NPFFR2: variants seen among roughly 807,000 people sequenced by gnomAD.
NPFFR2 encodes G-protein coupled receptor 74.
Under a neutral mutation model 13.1 loss-of-function variants are expected in NPFFR2, and 15 were observed. That is an observed-to-expected ratio of 1.15 (90% CI 0.77 to 1.76). NPFFR2 has a LOEUF of 1.76. NPFFR2 is among the 40% of genes most tolerant of loss of function. NPFFR2 has a pLI of 0.00. For synonymous variants in NPFFR2, 190 were observed against 175.7 expected (o/e 1.08, Z -0.65); for missense variants, 572 against 503.5 (o/e 1.14, Z -1.30).
chr4:72,045,780 A>G (rs1262536557), intron 1 of NPFFR2, among the ~76,000 whole-genome samples: 1 of 152,092 alleles, frequency 6.6e-6, no homozygotes, highest in East Asian at 1.9e-4. Flanking sequence ...GGGTACTCAA[A>G]GTATGGTTTC....
intron 1 of NPFFR2, among the ~76,000 whole-genome samples, chr4:72,096,688 A>G (rs1721083232): frequency 1.3e-5 from 2 of 152,128 alleles, no homozygotes; most frequent in Admixed American, 1.3e-4. Context: ...GTGACAACTA[A>G]TTAACATCTT....
chr4:72,112,106 A>C (rs1721581837), intron 1 of NPFFR2, among the ~76,000 whole-genome samples: 1 of 152,010 alleles, frequency 6.6e-6, no homozygotes, highest in South Asian at 2.1e-4. Context: ...AACCTTTTTC[A>C]GACTCAATGA....
At chr4:72,118,558 C>T (rs1217787419) in intron 1 of NPFFR2, among the ~76,000 whole-genome samples, 4 of 151,930 alleles carry the variant, frequency 2.6e-5, no homozygotes, top group African/African-American at 9.7e-5. Flanking sequence ...GACTCCAGAG[C>T]CTGTTTTTAA....
At chr4:72,096,010 C>G (rs1346553636) in intron 1 of NPFFR2, among the ~76,000 whole-genome samples, 4 of 152,126 alleles carry the variant, frequency 2.6e-5, no homozygotes, top group Non-Finnish European at 4.4e-5. Flanking sequence ...TTGTTTGTTT[C>G]AGGTGAGAGA....
intron 1 of NPFFR2, among the ~76,000 whole-genome samples, chr4:72,078,800 A>G (rs1167606492): frequency 2.0e-5 from 3 of 152,156 alleles, no homozygotes; most frequent in Non-Finnish European, 4.4e-5. Context: ...AAAGCAATTC[A>G]GTGGAATTAT....
intron 1 of NPFFR2, among the ~76,000 whole-genome samples, chr4:72,035,850 T>G (rs958782919): frequency 6.6e-6 from 1 of 152,212 alleles, no homozygotes; most frequent in Non-Finnish European, 1.5e-5. Context: ...GAGTCTCATT[T>G]AGGTGTCTGC....
intron 3 of NPFFR2, among the ~76,000 whole-genome samples, chr4:72,143,308 G>C (rs918339456): frequency 1.3e-5 from 2 of 152,160 alleles, no homozygotes; most frequent in Non-Finnish European, 2.9e-5. Flanking sequence ...GAAAGCCAGT[G>C]ATATTATTCA....
At chr4:72,114,851 ACTAT>A (rs1463035970) in intron 1 of NPFFR2, among the ~76,000 whole-genome samples, 1 of 152,134 alleles carries the variant, frequency 6.6e-6, no homozygotes, top group African/African-American at 2.4e-5. Flanking sequence ...CTGAAGTCAG[ACTAT>A]CTGACTTTAA....
chr4:72,103,447 T>G (rs1465445716), intron 1 of NPFFR2, among the ~76,000 whole-genome samples: 1 of 152,154 alleles, frequency 6.6e-6, no homozygotes, highest in African/African-American at 2.4e-5. Flanking sequence ...AATGCCTTGA[T>G]CTTGGACTTT....
chr4:72,101,072 A>G (rs1378849185), intron 1 of NPFFR2, among the ~76,000 whole-genome samples: 3 of 151,960 alleles, frequency 2.0e-5, no homozygotes, highest in Non-Finnish European at 4.4e-5. Flanking sequence ...AAGAAAAAAT[A>G]AAAATCTACA....
chr4:72,127,998 G>A (rs1019909404), intron 1 of NPFFR2, among the ~76,000 whole-genome samples: 5 of 152,058 alleles, frequency 3.3e-5, no homozygotes, highest in African/African-American at 1.2e-4. Flanking sequence ...AGGATCACTT[G>A]AACCTGAGAG....
intron 1 of NPFFR2, among the ~76,000 whole-genome samples, chr4:72,053,400 TA>T (rs1719647622): frequency 1.3e-5 from 2 of 151,940 alleles, no homozygotes. Flanking sequence ...AGAGAAAGTT[TA>T]CCCTAGGAAC....
chr4:72,067,921 G>C (rs574970534), intron 1 of NPFFR2, among the ~76,000 whole-genome samples: 2 of 152,268 alleles, frequency 1.3e-5, no homozygotes, highest in Non-Finnish European at 2.9e-5. Flanking sequence ...ACCACTTTAA[G>C]TAATCTTTGG....
At chr4:72,042,859 G>A (rs1285624312) in intron 1 of NPFFR2, among the ~76,000 whole-genome samples, 2 of 152,328 alleles carry the variant, frequency 1.3e-5, no homozygotes, top group East Asian at 1.9e-4. Context: ...AGAAATTTAA[G>A]CCAGCAGCAG....
intron 1 of NPFFR2, among the ~76,000 whole-genome samples, chr4:72,056,416 A>C (rs1719745944): frequency 6.6e-6 from 1 of 151,992 alleles, no homozygotes; most frequent in Admixed American, 6.6e-5. Flanking sequence ...GATTCCTTTC[A>C]AAACATTACT....
chr4:72,036,061 C>T (rs1379658814), intron 1 of NPFFR2, among the ~76,000 whole-genome samples: 2 of 152,122 alleles, frequency 1.3e-5, no homozygotes, highest in African/African-American at 4.8e-5. Context: ...CAAAGCCAAA[C>T]GAGATCAAAA....
intron 1 of NPFFR2, among the ~76,000 whole-genome samples, chr4:72,037,345 A>T (rs1011628646): frequency 6.6e-6 from 1 of 150,884 alleles, no homozygotes; most frequent in African/African-American, 2.4e-5. Flanking sequence ...TTGAGGTTGC[A>T]GTGAGCCATG....
At chr4:72,111,604 G>A (rs1033105099) in intron 1 of NPFFR2, among the ~76,000 whole-genome samples, 5 of 152,040 alleles carry the variant, frequency 3.3e-5, no homozygotes, top group South Asian at 4.1e-4. Flanking sequence ...TCTCTTGTAC[G>A]TTCCTGGAAT....
At chr4:72,081,756 G>A (rs1297511793) in intron 1 of NPFFR2, among the ~76,000 whole-genome samples, 7 of 152,094 alleles carry the variant, frequency 4.6e-5, no homozygotes, top group Non-Finnish European at 8.8e-5. Flanking sequence ...CTCCAGAAAT[G>A]CTAGGATTAC....
Sources: allele counts gnomAD v4.1 joint callset (sites outside exome capture counted in the v4.1 genomes callset), GRCh38; gene constraint gnomAD v4.1.1; transcripts MANE v1.5; gene names NCBI Gene and HGNC (gene_info 2026-07-23, HGNC 2026-07-21).